VPS13C: variants seen among roughly 807,000 people sequenced by gnomAD.
VPS13C encodes intermembrane lipid transfer protein VPS13C.
VPS13C carries 358 observed loss-of-function variants against 456.8 expected under a neutral mutation model. The ratio of observed to expected loss-of-function variants is 0.78; its 90% CI spans 0.72 to 0.86. The LOEUF (loss-of-function observed/expected upper bound fraction) is 0.86. VPS13C is among the 40% of genes least tolerant of loss of function. VPS13C has a pLI of 0.00. For missense variants in VPS13C, 4,818 were observed against 4,385.4 expected (o/e 1.10, Z -2.79); for synonymous variants, 1,578 against 1,486.7 (o/e 1.06, Z -1.41).
chr15:61,909,639 T>C (rs1044127439), intron 64 of VPS13C, among the ~76,000 whole-genome samples: 1 of 152,198 alleles, frequency 6.6e-6, no homozygotes, highest in Non-Finnish European at 1.5e-5. Context: ...TACTGAAATA[T>C]CTCAAAGCAA....
At chr15:61,868,800 A>G (rs1894784613) in intron 80 of VPS13C, 27 bp from the exon 81 acceptor site, 3 of 1,559,078 alleles carry the variant, frequency 1.9e-6, no homozygotes, top group Admixed American at 1.9e-5. Flanking sequence ...AGTAAGTGTA[A>G]GAAAATACGT....
chr15:61,856,413 T>G lies in VPS13C; in HGVS notation c.10953-4A>C, dbSNP rs1893907517. On this transcript the variant is annotated splice_region_variant and splice_polypyrimidine_tract_variant and intron_variant, in intron 82 of 84. Coordinates refer to ENST00000644861, the MANE Select transcript of VPS13C (RefSeq NM_020821.3). ...TTCCTTTATACACAACACTCGCCTA[T>G]TTTGCAAAAGAAAACAAAAACTTAC... is the stretch of plus-strand genomic sequence containing the variant. 1 of 1,609,352 alleles carries G rather than the reference T, an allele frequency of 6.2e-7. No homozygotes were observed. The highest frequency in any genetic ancestry group is 1.1e-5 in the South Asian group (1 of 89,848).
At chr15:61,919,234 G>T (rs2043568698) in intron 58 of VPS13C, 55 bp downstream of exon 58, 2 of 1,522,320 alleles carry the variant, frequency 1.3e-6, no homozygotes, top group South Asian at 1.3e-5. Context: ...TCAGCTAAAT[G>T]ATTTAACCAT....
intron 53 of VPS13C, among the ~76,000 whole-genome samples, chr15:61,924,487 T>A (rs1395688124): frequency 6.6e-6 from 1 of 152,202 alleles, no homozygotes; most frequent in Non-Finnish European, 1.5e-5. Context: ...GACATTTTTT[T>A]AATACACAGT....
intron 21 of VPS13C, 38 bp downstream of exon 21, chr15:61,982,421 G>C (rs2140389076): frequency 6.6e-7 from 1 of 1,519,862 alleles, no homozygotes; most frequent in Non-Finnish European, 8.9e-7. Flanking sequence ...AAATTTTTAA[G>C]CTTAGCTGAT....
rs1191870060 is a variant in VPS13C, at chr15:61,962,201, G to T, written c.3603+170C>A. On this transcript the variant is annotated intron_variant, in intron 34 of 84. Coordinates refer to ENST00000644861, the MANE Select transcript of VPS13C (RefSeq NM_020821.3). ...TTGTTCTAGACAAAAATCATTAAAT[G>T]ATTCACTTTTCAACTGTTAAATAGG... Among the ~76,000 whole-genome samples the T allele has an allele frequency of 5.9e-5, 9 of 152,190 alleles. No individual in the cohort carries two copies. In the South Asian group the frequency reaches 1.9e-3, roughly 32 times the overall value.
At chr15:61,991,158 T>TA (rs2046213213) in intron 17 of VPS13C, 64 bp from the exon 18 acceptor site, 15 of 1,209,754 alleles carry the variant, frequency 1.2e-5, no homozygotes, top group Non-Finnish European at 1.7e-5. Flanking sequence ...CTAAAAAGAC[T>TA]AACCAAACTA....
chr15:61,961,285 G>T (rs904271260), intron 35 of VPS13C, among the ~76,000 whole-genome samples: 6 of 150,336 alleles, frequency 4.0e-5, no homozygotes, highest in Middle Eastern at 3.5e-3. Context: ...CCAGCTACTC[G>T]GGAGGCTGAG....
chr15:62,008,535 C>T, intron 14 of VPS13C, 120 bp downstream of exon 14: 2 of 538,744 alleles, frequency 3.7e-6, no homozygotes, highest in Non-Finnish European at 6.1e-6. Context: ...TCTTTTAATA[C>T]TCTTGTCTCT....
intron 25 of VPS13C, 108 bp from the exon 26 acceptor site, chr15:61,973,640 G>A (rs2045621539): frequency 1.3e-6 from 1 of 768,488 alleles, no homozygotes; most frequent in Non-Finnish European, 2.3e-6. Flanking sequence ...GATATGGAAA[G>A]ACACATACAC....
intron 27 of VPS13C, among the ~76,000 whole-genome samples, chr15:61,969,935 T>C (rs1394469096): frequency 6.6e-6 from 1 of 152,100 alleles, no homozygotes; most frequent in Non-Finnish European, 1.5e-5. Flanking sequence ...GATATTCTAA[T>C]CAAAAGGTGT....
intron 66 of VPS13C, among the ~76,000 whole-genome samples, chr15:61,905,574 TC>T (rs1361666709): frequency 6.6e-6 from 1 of 152,112 alleles, no homozygotes; most frequent in African/African-American, 2.4e-5. Context: ...AAAATTCCTA[TC>T]GTAAGAATTA....
intron 1 of VPS13C, among the ~76,000 whole-genome samples, chr15:62,048,320 T>C (rs1200817174): frequency 2.8e-5 from 4 of 142,846 alleles, no homozygotes; most frequent in Non-Finnish European, 6.1e-5. Flanking sequence ...GTTCTCATTG[T>C]TCAGTTCCCA....
intron 24 of VPS13C, 42 bp downstream of exon 24, chr15:61,977,040 T>G (rs752448849): frequency 1.4e-6 from 2 of 1,380,522 alleles, no homozygotes; most frequent in Non-Finnish European, 2.0e-6. Flanking sequence ...CAGACATATT[T>G]CACCTGTTGA....
intron 18 of VPS13C, 30 bp downstream of exon 18, chr15:61,990,970 A>G: frequency 6.6e-7 from 1 of 1,510,812 alleles, no homozygotes. Flanking sequence ...ACAATGAGAC[A>G]AAATTCCTTT....
Position 61,867,930 on chromosome 15 carries a change from C to T in VPS13C, c.10863+729G>A, listed in dbSNP as rs769464061. ...GTAGTAGTTTAGGAAACATTTATTCCTGTATTTCCAGTTCTTGCTGTGCAG... is the reference window on the plus strand; with the variant it reads ...GTAGTAGTTTAGGAAACATTTATTCTTGTATTTCCAGTTCTTGCTGTGCAG... On this transcript the variant is annotated intron_variant, in intron 81 of 84. Transcript: ENST00000644861. The surrounding 1 kb of genome is among the most constrained non-coding windows in gnomAD (Gnocchi z 5.0). 3 of 1,605,210 alleles carry T rather than the reference C, an allele frequency of 1.9e-6. No homozygotes were observed. The highest frequency in any genetic ancestry group is 2.6e-6 in the Non-Finnish European group (3 of 1,173,822).
intron 16 of VPS13C, 91 bp downstream of exon 16, chr15:62,000,473 T>A (rs2046571173): frequency 8.0e-7 from 1 of 1,242,282 alleles, no homozygotes. Flanking sequence ...AATAAAAACC[T>A]CACCTCGTGA....
chr15:61,879,092 C>G (rs1895671675), intron 73 of VPS13C, among the ~76,000 whole-genome samples: 1 of 151,988 alleles, frequency 6.6e-6, no homozygotes, highest in African/African-American at 2.4e-5. Flanking sequence ...ATCTGCCAGT[C>G]AAAATACAGA....
chr15:61,953,876 C>T (rs1448344445), intron 38 of VPS13C, among the ~76,000 whole-genome samples: 1 of 152,066 alleles, frequency 6.6e-6, no homozygotes. Flanking sequence ...GCAGAGTTTT[C>T]GTGAAATAAT....
Sources: allele counts gnomAD v4.1 joint callset (sites outside exome capture counted in the v4.1 genomes callset), GRCh38; gene constraint gnomAD v4.1.1; non-coding constraint Gnocchi (gnomAD v3.1); transcripts MANE v1.5; gene names NCBI Gene and HGNC (gene_info 2026-07-23, HGNC 2026-07-21).